The following ADAMTS18 variants were observed in gnomAD, a reference collection of about 807,000 sequenced individuals.
ADAMTS18 encodes ADAM metallopeptidase with thrombospondin type 1 motif 18.
ADAMTS18 carries 157 observed loss-of-function variants against 165.9 expected under a neutral mutation model. That is an observed-to-expected ratio of 0.95 (90% CI 0.83 to 1.08). The LOEUF (loss-of-function observed/expected upper bound fraction) is 1.08. ADAMTS18 is among the 50% of genes least tolerant of loss of function. The probability of loss-of-function intolerance (pLI) is 0.00; values close to 1 mark genes in which losing one functional copy is unlikely to be tolerated. For synonymous variants in ADAMTS18, 782 were observed against 578.2 expected, an observed-to-expected ratio of 1.35 and a Z score of -5.06; for missense variants, 2,040 against 1,534.0, an observed-to-expected ratio of 1.33 and a Z score of -5.51.
intron 16 of ADAMTS18, among the ~76,000 whole-genome samples, chr16:77,315,551 G>T (rs1234269089): frequency 1.3e-5 from 2 of 152,156 alleles, no homozygotes; most frequent in Non-Finnish European, 1.5e-5. Flanking sequence ...CGTGATGAGA[G>T]ATTTGCATCT....
chr16:77,341,005 C>A (rs2056389545), intron 11 of ADAMTS18, among the ~76,000 whole-genome samples: 1 of 152,166 alleles, frequency 6.6e-6, no homozygotes, highest in African/African-American at 2.4e-5. Context: ...CTTTGATTGG[C>A]CTTTCAAATG....
chr16:77,401,321 CA>C (rs1338268138), intron 3 of ADAMTS18, among the ~76,000 whole-genome samples: 1 of 152,098 alleles, frequency 6.6e-6, no homozygotes, highest in Admixed American at 6.6e-5. Context: ...AATCAAGCCA[CA>C]ATAATCCAAG....
intron 13 of ADAMTS18, among the ~76,000 whole-genome samples, chr16:77,323,138 T>A (rs901060073): frequency 6.6e-6 from 1 of 152,222 alleles, no homozygotes; most frequent in Admixed American, 6.5e-5. Context: ...AAAAAAATTA[T>A]ATTTATAGAG....
At chr16:77,315,366 C>T (rs546918426) in intron 16 of ADAMTS18, among the ~76,000 whole-genome samples, 3 of 152,102 alleles carry the variant, frequency 2.0e-5, no homozygotes, top group Non-Finnish European at 4.4e-5. Context: ...ATAGCTCTTG[C>T]GTATGAGATT....
intron 3 of ADAMTS18, among the ~76,000 whole-genome samples, chr16:77,419,909 G>A (rs2057579558): frequency 6.8e-6 from 1 of 148,090 alleles, no homozygotes; most frequent in Admixed American, 6.9e-5. Context: ...CGAGGCAGGA[G>A]AATTGCTTGA....
intron 12 of ADAMTS18, among the ~76,000 whole-genome samples, chr16:77,328,635 T>C (rs889212709): frequency 6.6e-6 from 1 of 152,176 alleles, no homozygotes; most frequent in Admixed American, 6.6e-5. Flanking sequence ...CTTAGAAAAA[T>C]CTTTAAGTGC....
At chr16:77,312,548 A>C (rs2055803291) in intron 16 of ADAMTS18, among the ~76,000 whole-genome samples, 1 of 152,208 alleles carries the variant, frequency 6.6e-6, no homozygotes, top group Non-Finnish European at 1.5e-5. Context: ...GTCTCAAAAA[A>C]AACTTCTAAC....
intron 9 of ADAMTS18, among the ~76,000 whole-genome samples, 157 bp downstream of exon 9, chr16:77,355,783 A>G (rs572159400): frequency 2.0e-5 from 3 of 152,176 alleles, no homozygotes; most frequent in Admixed American, 6.5e-5. Flanking sequence ...TTTTTCAACA[A>G]TGTCATCATC....
chr16:77,334,621 A>ATATATACTATAGTATATAGTG (rs1324365818), intron 12 of ADAMTS18, among the ~76,000 whole-genome samples: 2 of 112,496 alleles, frequency 1.8e-5, no homozygotes, highest in African/African-American at 7.2e-5. Context: ...AGTATATAGT[A>ATATATACTATAGTATATAGTG]TATATACTAT....
intron 12 of ADAMTS18, among the ~76,000 whole-genome samples, chr16:77,329,591 T>C (rs993345410): frequency 2.0e-5 from 3 of 152,218 alleles, no homozygotes; most frequent in African/African-American, 7.2e-5. Context: ...AAATGCCTTA[T>C]GCTTTTGTAT....
intron 12 of ADAMTS18, 49 bp downstream of exon 12, chr16:77,335,707 G>A (rs1320486901): frequency 3.7e-6 from 6 of 1,609,232 alleles, no homozygotes; most frequent in African/African-American, 1.3e-5. Flanking sequence ...GCGTGTTACA[G>A]GCTGAAGGTT....
At chr16:77,403,259 C>A (rs935276834) in intron 3 of ADAMTS18, among the ~76,000 whole-genome samples, 1 of 152,088 alleles carries the variant, frequency 6.6e-6, no homozygotes, top group African/African-American at 2.4e-5. Context: ...ATTTTTTTAT[C>A]CTTAGGCTAA....
rs2055161699 is a variant in ADAMTS18 at position 77,282,330 on chromosome 16, T to C, written c.*1626A>G. The C allele has an allele frequency of 6.6e-6, 1 of 152,070 alleles. No individual in the cohort carries two copies. Among genetic ancestry groups the C allele is most frequent in the South Asian group, 2.1e-4 (1 of 4,830 alleles). The allele number at this position is 152,070 out of a possible 1,614,324, so 9.4% of individuals were successfully genotyped here. A position where few individuals can be genotyped will look rare whatever the true frequency, so the allele number is the denominator to read the frequency against. On this transcript the variant is annotated 3_prime_UTR_variant, in exon 23 of 23. Transcript: ENST00000282849. Reference sequence around the variant, plus strand: ...ATAAAATAATAAAATGATAATTATATAAAGAAATAACTTGCTGTTTTTCAG... The same window carrying C: ...ATAAAATAATAAAATGATAATTATACAAAGAAATAACTTGCTGTTTTTCAG...
At chr16:77,378,190 G>A (rs1597196858) in intron 3 of ADAMTS18, among the ~76,000 whole-genome samples, 2 of 151,940 alleles carry the variant, frequency 1.3e-5, no homozygotes, top group African/African-American at 4.8e-5. Context: ...GGTGTGTGTG[G>A]TGGCATGTGG....
intron 3 of ADAMTS18, among the ~76,000 whole-genome samples, chr16:77,419,393 C>A (rs936302210): frequency 1.3e-5 from 2 of 152,104 alleles, no homozygotes; most frequent in African/African-American, 4.8e-5. Flanking sequence ...TCTCTGACAC[C>A]CCCTTCTCAC....
At chr16:77,316,448 G>T (rs1285130280) in intron 16 of ADAMTS18, among the ~76,000 whole-genome samples, 1 of 151,594 alleles carries the variant, frequency 6.6e-6, no homozygotes, top group East Asian at 2.0e-4. Flanking sequence ...TAGAGATGAG[G>T]TTTCACCATA....
intron 3 of ADAMTS18, among the ~76,000 whole-genome samples, chr16:77,421,805 G>A (rs1260939475): frequency 6.6e-6 from 1 of 151,954 alleles, no homozygotes. Flanking sequence ...ACTAAGAAGT[G>A]TCATATATCT....
chr16:77,331,980 T>C (rs770448657), intron 12 of ADAMTS18, among the ~76,000 whole-genome samples: 26 of 152,194 alleles, frequency 1.7e-4, no homozygotes, highest in Non-Finnish European at 1.5e-5. Flanking sequence ...AGTGTCATTA[T>C]TTCTCAATTC....
intron 19 of ADAMTS18, among the ~76,000 whole-genome samples, chr16:77,294,611 T>A (rs1359581808): frequency 3.9e-5 from 6 of 152,216 alleles, no homozygotes; most frequent in Admixed American, 2.0e-4. Flanking sequence ...CGTTTCCCAT[T>A]TGCTTTGGAG....
Sources: allele counts gnomAD v4.1 joint callset (sites outside exome capture counted in the v4.1 genomes callset), GRCh38; gene constraint gnomAD v4.1.1; transcripts MANE v1.5; gene names NCBI Gene and HGNC (gene_info 2026-07-23, HGNC 2026-07-21).